The following ATG10 variants were observed in gnomAD, a reference collection of about 807,000 sequenced individuals.
ATG10 encodes autophagy related 10, also known as ubiquitin-like-conjugating enzyme ATG10.
Under a neutral mutation model 32.1 loss-of-function variants are expected in ATG10, and 30 were observed. The observed-to-expected ratio is 0.94, with a 90% confidence interval of 0.70 to 1.27. The LOEUF is 1.27. Among genes scored for constraint, ATG10 ranks in the 50% most tolerant of loss-of-function variants. The probability of loss-of-function intolerance (pLI) is 0.00; values close to 1 mark genes in which losing one functional copy is unlikely to be tolerated. For missense variants in ATG10, 233 were observed against 262.3 expected, an observed-to-expected ratio of 0.89 and a Z score of 0.77; for synonymous variants, 87 against 91.5, an observed-to-expected ratio of 0.95 and a Z score of 0.28.
chr5:82,220,413 C>T (rs1439424432), intron 5 of ATG10, among the ~76,000 whole-genome samples: 3 of 151,888 alleles, frequency 2.0e-5, no homozygotes, highest in Admixed American at 2.0e-4. Context: ...CAGGCACCCG[C>T]CACCACGCCT....
At chr5:81,987,273 C>A (rs1761311855) in intron 1 of ATG10, among the ~76,000 whole-genome samples, 1 of 152,160 alleles carries the variant, frequency 6.6e-6, no homozygotes, top group Admixed American at 6.5e-5. Flanking sequence ...CAGGTGCACA[C>A]CACTATGCCT....
chr5:82,059,288 A>G (rs1181502591), intron 3 of ATG10, among the ~76,000 whole-genome samples: 1 of 152,190 alleles, frequency 6.6e-6, no homozygotes, highest in Non-Finnish European at 1.5e-5. Context: ...AATAAATAAT[A>G]GAGAAATATA....
intron 3 of ATG10, among the ~76,000 whole-genome samples, chr5:82,089,013 G>A (rs573268494): frequency 1.3e-5 from 2 of 152,306 alleles, no homozygotes; most frequent in South Asian, 2.1e-4. Context: ...GGAGGAATTA[G>A]TTTACCTGAT....
chr5:82,060,879 GA>G (rs1185580358), intron 3 of ATG10, among the ~76,000 whole-genome samples: 1 of 151,796 alleles, frequency 6.6e-6, no homozygotes, highest in East Asian at 1.9e-4. Context: ...CATGTTAAGT[GA>G]AAAAAAGGTA....
At chr5:81,997,961 G>A (rs1332018372) in intron 2 of ATG10, among the ~76,000 whole-genome samples, 4 of 152,192 alleles carry the variant, frequency 2.6e-5, no homozygotes, top group Admixed American at 2.6e-4. Flanking sequence ...CTTGGAAAAC[G>A]TATTTCAGGA....
chr5:82,037,233 A>AATT (rs1762953183), intron 2 of ATG10, among the ~76,000 whole-genome samples: 1 of 53,724 alleles, frequency 1.9e-5, no homozygotes, highest in Non-Finnish European at 3.9e-5. Flanking sequence ...GATCTCATTT[A>AATT]CTTTTTTTTT....
chr5:82,034,049 T>A (rs1581620075), intron 2 of ATG10, among the ~76,000 whole-genome samples: 1 of 149,286 alleles, frequency 6.7e-6, no homozygotes, highest in African/African-American at 2.4e-5. Context: ...CTATATATAT[T>A]GTGTGTATAT....
intron 5 of ATG10, among the ~76,000 whole-genome samples, chr5:82,229,057 C>G (rs1482621557): frequency 6.6e-6 from 1 of 152,226 alleles, no homozygotes; most frequent in Non-Finnish European, 1.5e-5. Context: ...ATAAAAAACA[C>G]ATGTACTCCC....
intron 3 of ATG10, among the ~76,000 whole-genome samples, chr5:82,119,830 T>C (rs1377152316): frequency 6.6e-6 from 1 of 152,180 alleles, no homozygotes; most frequent in African/African-American, 2.4e-5. Context: ...CTGGTTTTAT[T>C]TGGAAAAGCA....
chr5:82,025,209 A>G (rs920608339), intron 2 of ATG10, among the ~76,000 whole-genome samples: 2 of 152,246 alleles, frequency 1.3e-5, no homozygotes, highest in Non-Finnish European at 2.9e-5. Context: ...CGGACAAGCA[A>G]TCATAATATA....
intron 3 of ATG10, among the ~76,000 whole-genome samples, chr5:82,139,091 A>G (rs375146153): frequency 6.9e-6 from 1 of 145,308 alleles, no homozygotes; most frequent in Non-Finnish European, 1.5e-5. Context: ...TGATCCGCCA[A>G]CCTCGGCCTC....
In ATG10 at chr5:82,254,679, A is replaced by G. The variant is rs893109847; in HGVS notation, c.*616A>G. The G allele has an allele frequency of 6.6e-6, 1 of 152,118 alleles. No individual in the cohort carries two copies. The highest frequency in any genetic ancestry group is 1.5e-5 in the Non-Finnish European group (1 of 68,008). 9.4% of individuals were successfully genotyped at this position (152,118 alleles called of 1,614,324 possible). ...CTTGCAGGTTATTCTTTTCTAGGCC[A>G]AGTACTTCACTTCCATTTGTCTGAC... On this transcript the variant is annotated 3_prime_UTR_variant, in exon 8 of 8. Transcript: ENST00000282185.
At chr5:82,178,189 T>G (rs1265255588) in intron 4 of ATG10, among the ~76,000 whole-genome samples, 3 of 152,170 alleles carry the variant, frequency 2.0e-5, no homozygotes, top group Non-Finnish European at 4.4e-5. Flanking sequence ...TTGCCTGTGC[T>G]TGCATCTGTC....
intron 3 of ATG10, among the ~76,000 whole-genome samples, chr5:82,059,891 A>C (rs1763713926): frequency 6.6e-6 from 1 of 152,208 alleles, no homozygotes; most frequent in Non-Finnish European, 1.5e-5. Context: ...AATAACCAAC[A>C]TCAAATTTGA....
At chr5:81,993,383 C>T (rs1203571764) in intron 2 of ATG10, among the ~76,000 whole-genome samples, 23 of 85,326 alleles carry the variant, frequency 2.7e-4, no homozygotes, top group African/African-American at 9.6e-4. Context: ...CTTTTCTTTT[C>T]TTTTCTTTTT....
intron 3 of ATG10, among the ~76,000 whole-genome samples, chr5:82,135,605 C>G (rs1280672028): frequency 3.3e-5 from 5 of 152,138 alleles, no homozygotes; most frequent in African/African-American, 1.2e-4. Context: ...GATTTCTGTT[C>G]TTTTGCATTT....
At chr5:82,137,087 C>A (rs761049050) in intron 3 of ATG10, among the ~76,000 whole-genome samples, 1 of 152,078 alleles carries the variant, frequency 6.6e-6, no homozygotes, top group Non-Finnish European at 1.5e-5. Flanking sequence ...TCTCTAAACT[C>A]GTTATTTTAG....
chr5:82,017,422 C>T (rs1202538587), intron 2 of ATG10, among the ~76,000 whole-genome samples: 1 of 152,158 alleles, frequency 6.6e-6, no homozygotes, highest in African/African-American at 2.4e-5. Context: ...ATTGCTCTGA[C>T]TAGGACTTTC....
At chr5:82,058,461 A>T (rs1347702200) in intron 2 of ATG10, 34 bp from the exon 3 acceptor site, 1 of 1,459,446 alleles carries the variant, frequency 6.9e-7, no homozygotes. Flanking sequence ...AATAATTGGC[A>T]TTTTCTTATA....
Sources: gnomAD v4.1 joint callset for allele counts (sites outside exome capture counted in the v4.1 genomes callset) on GRCh38, gnomAD v4.1.1 for gene constraint, MANE v1.5 for transcripts, NCBI Gene and HGNC (gene_info 2026-07-23, HGNC 2026-07-21) for gene names.